OPCML: variants seen among roughly 807,000 people sequenced by gnomAD.
OPCML encodes the protein opioid-binding protein/cell adhesion molecule.
In OPCML, 13 loss-of-function variants were observed where a neutral mutation model predicts 37.8. The observed-to-expected ratio is 0.34, with a 90% CI of 0.22 to 0.55. The LOEUF (loss-of-function observed/expected upper bound fraction) is 0.55, where lower values mean the gene tolerates loss of function less well. Ranked by LOEUF, OPCML falls within the 20% of genes least tolerant of loss-of-function variation. The pLI is 0.91. For synonymous variants in OPCML, 176 were observed against 168.8 expected (o/e 1.04, Z -0.33); for missense variants, 341 against 435.6 (o/e 0.78, Z 1.93).
chr11:133,427,259 AT>A (rs1449359429), intron 1 of OPCML, among the ~76,000 whole-genome samples: 7 of 152,178 alleles, frequency 4.6e-5, no homozygotes, highest in Non-Finnish European at 1.0e-4. Context: ...CACTGATCAC[AT>A]TTTTTGACCA....
intron 1 of OPCML, among the ~76,000 whole-genome samples, chr11:133,125,247 A>T (rs1285440233): frequency 6.6e-6 from 1 of 152,058 alleles, no homozygotes; most frequent in Admixed American, 6.6e-5. Flanking sequence ...CCTAAGTGAA[A>T]ACATCCCTTC....
intron 2 of OPCML, among the ~76,000 whole-genome samples, chr11:132,838,735 C>G (rs1941155066): frequency 6.6e-6 from 1 of 152,112 alleles, no homozygotes; most frequent in South Asian, 2.1e-4. Flanking sequence ...GAGCTGAACA[C>G]CACAGAAGTT....
chr11:133,277,886 G>A (rs555070426), intron 1 of OPCML, among the ~76,000 whole-genome samples: 1 of 152,240 alleles, frequency 6.6e-6, no homozygotes, highest in Admixed American at 6.5e-5. Flanking sequence ...GGAGGAAAAT[G>A]AGACTAGGAG....
rs567763565 is a variant in OPCML, at chr11:133,221,837, T to A, written c.62-278827A>T. ...CAGATTTCCTGTTAGCCAATCAGAC[T>A]GATGTTGTGATCTCAGCCATTTCAA... On this transcript the variant is annotated intron_variant, in intron 1 of 7. Coordinates refer to ENST00000524381, the MANE Select transcript of OPCML (RefSeq NM_001012393.5). Among the ~76,000 whole-genome samples, 332 of 152,306 alleles carry A rather than the reference T, an allele frequency of 2.2e-3. 3 individuals carry two copies. The highest frequency in any genetic ancestry group is 7.7e-3 in the African/African-American group (318 of 41,568).
intron 2 of OPCML, among the ~76,000 whole-genome samples, chr11:132,681,033 C>T (rs903942679): frequency 3.3e-5 from 5 of 152,192 alleles, no homozygotes; most frequent in African/African-American, 7.2e-5. Context: ...GGCTGGCAGG[C>T]GGGGGTTGCC....
rs761411309 is a variant in OPCML, at chr11:133,206,265, T to C, written c.62-263255A>G. Among the ~76,000 whole-genome samples, 3 of 152,174 alleles carry C rather than the reference T, an allele frequency of 2.0e-5. No homozygotes were observed. The highest frequency in any genetic ancestry group is 4.4e-5 in the Non-Finnish European group (3 of 68,030). ...CAGCAGTACATTAAGATCAGCGTGATTAAAGACAGTGAGCAGAACTCGCCA... is the reference window on the plus strand; with the variant it reads ...CAGCAGTACATTAAGATCAGCGTGACTAAAGACAGTGAGCAGAACTCGCCA... On this transcript the variant is annotated intron_variant, in intron 1 of 7. Coordinates refer to ENST00000524381, the MANE Select transcript of OPCML (RefSeq NM_001012393.5). This position sits in a 1 kb window ranked among gnomAD's most constrained non-coding sequence, Gnocchi z 4.7.
chr11:133,179,874 G>A (rs1390715259), intron 1 of OPCML, among the ~76,000 whole-genome samples: 1 of 152,202 alleles, frequency 6.6e-6, no homozygotes, highest in East Asian at 1.9e-4. Context: ...GGCAGGAGGA[G>A]AGCGGCCAGT....
chr11:132,540,545 G>A (rs2096353732), intron 3 of OPCML, among the ~76,000 whole-genome samples: 2 of 152,180 alleles, frequency 1.3e-5, no homozygotes, highest in Non-Finnish European at 2.9e-5. Flanking sequence ...CTCTGAGTGT[G>A]AATGAGACTC....
intron 3 of OPCML, among the ~76,000 whole-genome samples, chr11:132,607,191 C>T (rs182591298): frequency 6.6e-6 from 1 of 152,294 alleles, no homozygotes; most frequent in East Asian, 1.9e-4. Flanking sequence ...GTTGTTGTTG[C>T]TGTTACTGTG....
At chr11:132,603,789 C>A (rs1281204876) in intron 3 of OPCML, among the ~76,000 whole-genome samples, 1 of 152,208 alleles carries the variant, frequency 6.6e-6, no homozygotes, top group Non-Finnish European at 1.5e-5. Flanking sequence ...GGTGCTCTCA[C>A]ATTTCTTGCT....
intron 3 of OPCML, among the ~76,000 whole-genome samples, chr11:132,618,282 C>T (rs1474073497): frequency 6.6e-6 from 1 of 152,006 alleles, no homozygotes; most frequent in African/African-American, 2.4e-5. Flanking sequence ...GTCTGTCATA[C>T]CAAATTCTTT....
chr11:133,344,211 G>A (rs1219051978), intron 1 of OPCML, among the ~76,000 whole-genome samples: 1 of 152,152 alleles, frequency 6.6e-6, no homozygotes, highest in Non-Finnish European at 1.5e-5. Flanking sequence ...TAGAATAAGG[G>A]ACACGATCTG....
At chr11:132,876,397 T>C (rs1182434002) in intron 2 of OPCML, among the ~76,000 whole-genome samples, 1 of 152,188 alleles carries the variant, frequency 6.6e-6, no homozygotes, top group African/African-American at 2.4e-5. Context: ...CTTAACGCTG[T>C]CAGTCAGAGC....
At chr11:133,435,918 C>G (rs987979859) in intron 1 of OPCML, among the ~76,000 whole-genome samples, 3 of 152,174 alleles carry the variant, frequency 2.0e-5, no homozygotes, top group Non-Finnish European at 4.4e-5. Flanking sequence ...TTCAGCTGCT[C>G]ACATTTGAAA....
At chr11:132,843,838 A>C (rs1291837424) in intron 2 of OPCML, among the ~76,000 whole-genome samples, 1 of 152,190 alleles carries the variant, frequency 6.6e-6, no homozygotes, top group African/African-American at 2.4e-5. Flanking sequence ...AGATGTATAC[A>C]TACATGGAGA....
At chr11:133,161,469 G>A (rs1950140887) in intron 1 of OPCML, among the ~76,000 whole-genome samples, 4 of 152,098 alleles carry the variant, frequency 2.6e-5, no homozygotes, top group Admixed American at 2.6e-4. Flanking sequence ...CAGGAGCGTG[G>A]GATTTAAAGC....
At chr11:132,498,229 G>T (rs998030253) in intron 4 of OPCML, among the ~76,000 whole-genome samples, 3 of 152,164 alleles carry the variant, frequency 2.0e-5, no homozygotes, top group Non-Finnish European at 4.4e-5. Flanking sequence ...ACATAGCTTA[G>T]AGGTTCAAGG....
chr11:132,750,679 G>C (rs775493193), intron 2 of OPCML, among the ~76,000 whole-genome samples: 2 of 152,084 alleles, frequency 1.3e-5, no homozygotes, highest in African/African-American at 2.4e-5. Context: ...ACAAATCCAC[G>C]TACGATATTT....
At chr11:132,934,100 C>A (rs956713606) in intron 2 of OPCML, among the ~76,000 whole-genome samples, 3 of 152,168 alleles carry the variant, frequency 2.0e-5, no homozygotes, top group Non-Finnish European at 4.4e-5. Flanking sequence ...CAGGAGCAAG[C>A]GTCACTTGGC....
Sources: allele counts gnomAD v4.1 joint callset (sites outside exome capture counted in the v4.1 genomes callset), GRCh38; gene constraint gnomAD v4.1.1; non-coding constraint Gnocchi (gnomAD v3.1); transcripts MANE v1.5; gene names NCBI Gene and HGNC (gene_info 2026-07-23, HGNC 2026-07-21).